PAK1: variants seen among roughly 807,000 people sequenced by gnomAD.
PAK1 encodes the protein serine/threonine-protein kinase PAK 1.
In PAK1, 29 loss-of-function variants were observed where a neutral mutation model predicts 67.4. The observed-to-expected ratio is 0.43, with a 90% CI of 0.32 to 0.59. The LOEUF (loss-of-function observed/expected upper bound fraction) is 0.59. Among genes scored for constraint, PAK1 ranks in the 20% least tolerant of loss-of-function variants. The pLI is 0.07. For synonymous variants in PAK1, 223 were observed against 237.4 expected (o/e 0.94, Z 0.56); for missense variants, 337 against 670.7 (o/e 0.50, Z 5.50).
chr11:77,397,061 T>A (rs1018619729), intron 1 of PAK1: 1 of 152,234 alleles, frequency 6.6e-6, no homozygotes, highest in Non-Finnish European at 1.5e-5. Flanking sequence ...GACCAAAAGT[T>A]TGGAAGGATG....
At chr11:77,524,401 C>T in the PAK1 span, among the ~76,000 whole-genome samples, 3 of 152,224 alleles carry the variant, frequency 2.0e-5, no homozygotes, top group Non-Finnish European at 4.4e-5. Context: ...CTGCATTCAT[C>T]CATCTCCTAG....
At chr11:77,490,061 C>T in the PAK1 span, among the ~76,000 whole-genome samples, 1 of 150,198 alleles carries the variant, frequency 6.7e-6, no homozygotes, top group Non-Finnish European at 1.5e-5. Context: ...TCTGCCCGGC[C>T]GCCCATCGTC....
chr11:77,380,029 AGGAAC>A, intron 2 of PAK1, 35 bp from the exon 3 acceptor site: 1 of 1,516,782 alleles, frequency 6.6e-7, no homozygotes, highest in Non-Finnish European at 9.1e-7. Flanking sequence ...AATAAAAAAC[AGGAAC>A]ATTATTGTTT....
chr11:77,502,603 G>GTCTCTAACCCCAC, the PAK1 span, among the ~76,000 whole-genome samples: 1 of 152,140 alleles, frequency 6.6e-6, no homozygotes, highest in African/African-American at 2.4e-5. Flanking sequence ...CACATAGCTG[G>GTCTCTAACCCCAC]AAGAGACCTG....
At chr11:77,332,224 C>T (rs1366206647) in intron 14 of PAK1, among the ~76,000 whole-genome samples, 4 of 143,020 alleles carry the variant, frequency 2.8e-5, no homozygotes, top group African/African-American at 5.3e-5. Context: ...GGGAAGATCA[C>T]TTGAGTGAAC....
At chr11:77,349,124 CAAAAAA>C in intron 9 of PAK1, 109 bp downstream of exon 9, 4 of 510,680 alleles carry the variant, frequency 7.8e-6, no homozygotes, top group South Asian at 2.2e-5. Context: ...GACCCCATCC[CAAAAAA>C]AAAAAAAAAA....
chr11:77,529,345 A>G, the PAK1 span, among the ~76,000 whole-genome samples: 2 of 152,214 alleles, frequency 1.3e-5, no homozygotes, highest in Non-Finnish European at 2.9e-5. Context: ...AATAATTCAT[A>G]AAAAGGAAGA....
intron 4 of PAK1, among the ~76,000 whole-genome samples, chr11:77,375,531 A>C (rs1052430430): frequency 1.3e-5 from 2 of 152,170 alleles, no homozygotes; most frequent in African/African-American, 2.4e-5. Context: ...TGAGATGTAC[A>C]TTTTTTCACA....
the PAK1 span, among the ~76,000 whole-genome samples, chr11:77,513,140 C>G: frequency 1.3e-5 from 2 of 152,086 alleles, no homozygotes; most frequent in Admixed American, 6.5e-5. Flanking sequence ...GACTCTTTGA[C>G]GTCATTGACT....
At chr11:77,473,271 C>G (rs1354690077) in intron 1 of PAK1, 1 of 152,482 alleles carries the variant, frequency 6.6e-6, no homozygotes, top group Non-Finnish European at 1.5e-5. Context: ...TGGCCTGGCC[C>G]CGCCCCGCCC....
the PAK1 span, among the ~76,000 whole-genome samples, chr11:77,493,356 A>G: frequency 1.4e-5 from 2 of 142,946 alleles, no homozygotes; most frequent in Non-Finnish European, 1.5e-5. Context: ...TTGGCTCACT[A>G]CAACCTCCAC....
chr11:77,453,995 T>C (rs924033056), intron 1 of PAK1, among the ~76,000 whole-genome samples: 2 of 151,984 alleles, frequency 1.3e-5, no homozygotes, highest in African/African-American at 2.4e-5. Context: ...AAGTAGGAGG[T>C]TGAAGCTGCA....
intron 1 of PAK1, among the ~76,000 whole-genome samples, chr11:77,398,909 C>T (rs1952212185): frequency 6.6e-6 from 1 of 152,154 alleles, no homozygotes; most frequent in East Asian, 1.9e-4. Flanking sequence ...ATGTTATTAG[C>T]ACATTTAGGC....
chr11:77,460,995 G>A (rs1957319468), intron 1 of PAK1, among the ~76,000 whole-genome samples: 1 of 152,136 alleles, frequency 6.6e-6, no homozygotes, highest in Non-Finnish European at 1.5e-5. Flanking sequence ...TAGGCTTGTG[G>A]AAAAGGTAAA....
intron 2 of PAK1, among the ~76,000 whole-genome samples, chr11:77,386,416 A>C (rs1338554484): frequency 2.0e-5 from 3 of 152,228 alleles, no homozygotes; most frequent in African/African-American, 7.2e-5. Context: ...ATTTCAAACT[A>C]AATGCTGAAA....
At chr11:77,513,794 T>C in the PAK1 span, among the ~76,000 whole-genome samples, 1 of 151,768 alleles carries the variant, frequency 6.6e-6, no homozygotes, top group Non-Finnish European at 1.5e-5. Flanking sequence ...AAAGGAAGTA[T>C]TGAAGGAAGG....
the PAK1 span, among the ~76,000 whole-genome samples, chr11:77,496,418 G>A: frequency 1.2e-4 from 18 of 152,188 alleles, 1 homozygote; most frequent in South Asian, 2.1e-3. Flanking sequence ...GAGCCCAGGA[G>A]TTCAAGACCA....
the PAK1 span, among the ~76,000 whole-genome samples, chr11:77,503,022 G>T: frequency 2.8e-4 from 43 of 152,310 alleles, no homozygotes; most frequent in Middle Eastern, 3.4e-3. Context: ...TTTGATGTGA[G>T]GTTGGAGATG....
chr11:77,328,928 G>A (rs988591832), intron 14 of PAK1, among the ~76,000 whole-genome samples: 66 of 152,112 alleles, frequency 4.3e-4, no homozygotes, highest in Admixed American at 5.2e-4. Context: ...TCAAATAGAC[G>A]CAATCAAAAA....
Sources: gnomAD v4.1 joint callset for allele counts (sites outside exome capture counted in the v4.1 genomes callset) on GRCh38, gnomAD v4.1.1 for gene constraint, MANE v1.5 for transcripts, NCBI Gene and HGNC (gene_info 2026-07-23, HGNC 2026-07-21) for gene names.